Variants in TVP23B observed in about 807,000 individuals in gnomAD.
The protein encoded by TVP23B is trans-golgi network vesicle protein 23 homolog B.
A neutral mutation model predicts 30.6 loss-of-function variants in TVP23B; 10 were observed. The observed-to-expected ratio is 0.33, with a 90% CI of 0.20 to 0.55. The LOEUF is 0.55. Among genes scored for constraint, TVP23B ranks in the 20% least tolerant of loss-of-function variants. TVP23B has a pLI of 0.91. For missense variants in TVP23B, 153 were observed against 243.2 expected (o/e 0.63, Z 2.47); for synonymous variants, 67 against 83.1 (o/e 0.81, Z 1.06).
At position 18,783,171 on chromosome 17, in the gene TVP23B, T is replaced by C. The variant is rs1274954064; in HGVS notation, c.12+1866T>C. Among the ~76,000 whole-genome samples, 3 of 150,400 alleles carry C rather than the reference T, an allele frequency of 2.0e-5. No individual in the cohort carries two copies. The East Asian group carries it at 5.8e-4, about 29-fold the overall frequency. Reference sequence around the variant, plus strand: ...CCCAGGCTGGAGTACAATGGTGTGATCTCGGCTCACTGCAACCTCTGCCTC... The same window carrying C: ...CCCAGGCTGGAGTACAATGGTGTGACCTCGGCTCACTGCAACCTCTGCCTC... On this transcript the variant is annotated intron_variant, in intron 1 of 6. Transcript: ENST00000307767.
At position 18,799,037 on chromosome 17, in the gene TVP23B, G is replaced by A. The variant is rs2036118303; in HGVS notation, c.462+94G>A. On this transcript the variant is annotated intron_variant, in intron 5 of 6. Transcript: ENST00000307767. ...CTACAACTGAGTCCTTATCATTAGG[G>A]ACCTATCTTGAATAGGCAGCTTCAT... is the stretch of plus-strand genomic sequence containing the variant. 10 of 1,439,312 alleles carry A rather than the reference G, an allele frequency of 6.9e-6. No individual in the cohort carries two copies. The South Asian group carries it at 1.6e-4, about 22-fold the overall frequency. The allele number at this position is 1,439,312 out of a possible 1,614,324, so 89.2% of individuals were successfully genotyped here.
At chr17:18,790,381 G>A (rs1347022575) in intron 2 of TVP23B, among the ~76,000 whole-genome samples, 2 of 150,504 alleles carry the variant, frequency 1.3e-5, no homozygotes, top group African/African-American at 2.4e-5. Flanking sequence ...GGACAATGGC[G>A]TGAACCCAGG....
intron 3 of TVP23B, among the ~76,000 whole-genome samples, chr17:18,792,242 G>A (rs2036008832): frequency 6.6e-6 from 1 of 151,988 alleles, no homozygotes; most frequent in South Asian, 2.1e-4. Flanking sequence ...CTCCATGTTG[G>A]TCAGGCTGGT....
chr17:18,797,421 C>G (rs2036092449), intron 3 of TVP23B, 158 bp from the exon 4 acceptor site: 10 of 1,463,644 alleles, frequency 6.8e-6, no homozygotes, highest in Non-Finnish European at 9.2e-6. Flanking sequence ...TACTTAATCA[C>G]TTAGCCAGGC....
chr17:18,784,335 C>T (rs1191216419), intron 1 of TVP23B, among the ~76,000 whole-genome samples: 3 of 152,134 alleles, frequency 2.0e-5, no homozygotes, highest in South Asian at 4.2e-4. Context: ...TACTGAGTTC[C>T]CTGATGACCT....
Position 18,781,194 on chromosome 17 carries a change from C to G in TVP23B, c.-100C>G. On this transcript the variant is annotated 5_prime_UTR_variant, in exon 1 of 7. Transcript: ENST00000307767. ...GCCGGACTGAGGCTCTTACAGTGGT[C>G]CCTGCTGGCCCTTGGTGACGGGTCG... is the stretch of plus-strand genomic sequence containing the variant. 1 of 1,522,288 alleles carries G rather than the reference C, an allele frequency of 6.6e-7. No individual in the cohort carries two copies. The highest frequency in any genetic ancestry group is 8.8e-7 in the Non-Finnish European group (1 of 1,131,128). 94.3% of individuals were successfully genotyped at this position (1,522,288 alleles called of 1,614,324 possible).
At chr17:18,793,609 A>AT (rs1162955439) in intron 3 of TVP23B, among the ~76,000 whole-genome samples, 1 of 150,578 alleles carries the variant, frequency 6.6e-6, no homozygotes, top group East Asian at 1.9e-4. Context: ...AAAAAAAAAA[A>AT]AAATAATGGC....
intron 5 of TVP23B, among the ~76,000 whole-genome samples, chr17:18,802,036 C>G (rs796671356): frequency 3.3e-5 from 5 of 152,102 alleles, no homozygotes; most frequent in African/African-American, 1.2e-4. Flanking sequence ...TCCTGGCTAA[C>G]ATGGTGAAAC....
At chr17:18,795,308 A>G (rs2036061471) in intron 3 of TVP23B, among the ~76,000 whole-genome samples, 1 of 152,026 alleles carries the variant, frequency 6.6e-6, no homozygotes, top group African/African-American at 2.4e-5. Context: ...GTAAAATACT[A>G]CTTGTCATCT....
rs1478046518 is a variant in TVP23B, at chr17:18,806,700, A to T, written c.*1133A>T. On this transcript the variant is annotated 3_prime_UTR_variant, in exon 7 of 7. Transcript: ENST00000307767. ...AAACTTTATATTTGTATAAAATTCTACTATTTACAAGGCATTTGACATGTG... is the reference window on the plus strand; with the variant it reads ...AAACTTTATATTTGTATAAAATTCTTCTATTTACAAGGCATTTGACATGTG... 4.8e-6 allele frequency: 1 copy of T among 210,388 alleles called. No individual in the cohort carries two copies. The highest frequency in any genetic ancestry group is 1.8e-4 in the East Asian group (1 of 5,454). The allele number at this position is 210,388 out of a possible 1,614,324, so 13.0% of individuals were successfully genotyped here.
intron 5 of TVP23B, 154 bp downstream of exon 5, chr17:18,799,097 C>T (rs2036118946): frequency 1.2e-6 from 1 of 825,574 alleles, no homozygotes; most frequent in Non-Finnish European, 1.7e-6. Context: ...CCAACTTTAC[C>T]TTTCTCTATA....
rs2036164004 is a variant in TVP23B at position 18,801,348 on chromosome 17, C to G, written c.462+2405C>G. 2.6e-5 allele frequency among the ~76,000 whole-genome samples: 4 copies of G among 151,936 alleles called. No individual in the cohort carries two copies. The South Asian group carries it at 8.3e-4, about 32-fold the overall frequency. On this transcript the variant is annotated intron_variant, in intron 5 of 6. Transcript: ENST00000307767. ...ACTATAGTTTTGCATAAATGCACTT[C>G]CCTTTTTCCTTATCCATTTTGCTTA...
At chr17:18,804,715 A>C (rs941109932) in intron 6 of TVP23B, 4 of 331,134 alleles carry the variant, frequency 1.2e-5, no homozygotes, top group Non-Finnish European at 1.8e-5. Flanking sequence ...CAGCCTTATG[A>C]GTAGCTGGGA....
intron 5 of TVP23B, among the ~76,000 whole-genome samples, chr17:18,800,726 A>G (rs1479268528): frequency 6.6e-6 from 1 of 152,012 alleles, no homozygotes; most frequent in Non-Finnish European, 1.5e-5. Context: ...CAGGCAGACC[A>G]AAGTTTTGCT....
At chr17:18,794,429 G>C (rs1310089460) in intron 3 of TVP23B, among the ~76,000 whole-genome samples, 1 of 152,078 alleles carries the variant, frequency 6.6e-6, no homozygotes, top group Non-Finnish European at 1.5e-5. Flanking sequence ...ACATATCTTG[G>C]GTTTAAAAGG....
chr17:18,785,725 T>C (rs549753711), intron 1 of TVP23B, among the ~76,000 whole-genome samples: 1 of 152,150 alleles, frequency 6.6e-6, no homozygotes, highest in Non-Finnish European at 1.5e-5. Flanking sequence ...AATTAAAATA[T>C]TAGATATGGT....
At position 18,789,385 on chromosome 17, in the gene TVP23B, G is replaced by A; in HGVS notation, c.45G>A (p.Leu15=). The A allele has an allele frequency of 6.2e-7, 1 of 1,613,962 alleles. No individual in the cohort carries two copies. The highest frequency in any genetic ancestry group is 8.5e-7 in the Non-Finnish European group (1 of 1,179,862). Residue 15 remains leucine, a synonymous_variant, in exon 2 of 7, where the codon CTG becomes CTA. Coordinates refer to ENST00000307767, the MANE Select transcript of TVP23B (RefSeq NM_016078.6). Reference sequence around the variant, plus strand: ...ATGATGACACTGAAGATGTTTCACTGTTTGATGCGGAAGAGGAGACGACTA... The same window carrying A: ...ATGATGACACTGAAGATGTTTCACTATTTGATGCGGAAGAGGAGACGACTA... ...DSNDDTEDVS[L]FDAEEETTNR... is the part of the protein sequence containing the mutation.
chr17:18,794,803 C>T (rs1364849500), intron 3 of TVP23B, among the ~76,000 whole-genome samples: 3 of 151,148 alleles, frequency 2.0e-5, no homozygotes, highest in East Asian at 1.9e-4. Context: ...AGCATCTCTC[C>T]CATAGGAATT....
intron 5 of TVP23B, among the ~76,000 whole-genome samples, chr17:18,801,672 T>A (rs2151851803): frequency 6.6e-6 from 1 of 151,676 alleles, no homozygotes; most frequent in East Asian, 1.9e-4. Flanking sequence ...GGATTGTTTG[T>A]AAGACCTTAG....
Sources: gnomAD v4.1 joint callset for allele counts (sites outside exome capture counted in the v4.1 genomes callset) on GRCh38, gnomAD v4.1.1 for gene constraint, MANE v1.5 for transcripts, NCBI Gene and HGNC (gene_info 2026-07-23, HGNC 2026-07-21) for gene names.